TMPRSS11A: variants seen among roughly 807,000 people sequenced by gnomAD.
TMPRSS11A encodes the protein transmembrane serine protease 11A.
Under a neutral mutation model 58.9 loss-of-function variants are expected in TMPRSS11A, and 53 were observed. The ratio of observed to expected loss-of-function variants is 0.90; its 90% confidence interval spans 0.72 to 1.13. The LOEUF (loss-of-function observed/expected upper bound fraction) is 1.13. Among genes scored for constraint, TMPRSS11A ranks in the 50% most tolerant of loss-of-function variants. TMPRSS11A has a pLI of 0.00. For missense variants in TMPRSS11A, 493 were observed against 499.3 expected (o/e 0.99, Z 0.12); for synonymous variants, 167 against 169.8 (o/e 0.98, Z 0.13).
chr4:67,941,229 A>G (rs906477385), intron 3 of TMPRSS11A, among the ~76,000 whole-genome samples: 2 of 152,202 alleles, frequency 1.3e-5, no homozygotes, highest in East Asian at 1.9e-4. Context: ...ATTAGCACCC[A>G]TATAGGACAG....
chr4:67,961,756 G>T (rs957174506), intron 1 of TMPRSS11A, among the ~76,000 whole-genome samples: 2 of 151,790 alleles, frequency 1.3e-5, no homozygotes, highest in Non-Finnish European at 2.9e-5. Flanking sequence ...CAAGTGATTT[G>T]CCTGCCTCGG....
rs981096457 is a variant in TMPRSS11A at position 67,910,879 on chromosome 4, G to A, written c.*463C>T. Reference sequence around the variant, plus strand: ...AAAATTCATTTCTTATGGTGGAAAGGTACTTTGGAAAATCTGATTGAATAA... The same window carrying A: ...AAAATTCATTTCTTATGGTGGAAAGATACTTTGGAAAATCTGATTGAATAA... On this transcript the variant is annotated 3_prime_UTR_variant, in exon 10 of 10. Coordinates refer to ENST00000508048, the MANE Select transcript of TMPRSS11A (RefSeq NM_001114387.2). 6.6e-6 allele frequency: 1 copy of A among 152,250 alleles called. No individual in the cohort carries two copies. Among genetic ancestry groups the A allele is most frequent in the South Asian group, 2.1e-4 (1 of 4,828 alleles). 9.4% of individuals were successfully genotyped at this position (152,250 alleles called of 1,614,324 possible).
chr4:67,919,178 G>T lies in TMPRSS11A; in HGVS notation c.747C>A (p.Pro249=), dbSNP rs1416481244. 1 of 1,613,970 alleles carries T rather than the reference G, an allele frequency of 6.2e-7. No individual in the cohort carries two copies. The highest frequency in any genetic ancestry group is 8.5e-7 in the Non-Finnish European group (1 of 1,179,982). Residue 249 remains proline, a synonymous_variant, in exon 8 of 10, where the codon CCC becomes CCA. Transcript: ENST00000508048. The part of the protein sequence containing the change: ...TVSFGTKINP[P]LMKRNVRRFI... ...ATCTTCTGACATTTCTTTTCATTAA[G>T]GGAGGGTTGATTTTTGTTCCAAAAC...
intron 1 of TMPRSS11A, among the ~76,000 whole-genome samples, chr4:67,948,926 A>G (rs191763125): frequency 2.1e-3 from 192 of 90,214 alleles, no homozygotes; most frequent in African/African-American, 5.0e-3. Flanking sequence ...TAGGACACAA[A>G]TTTATTCTCG....
At chr4:67,928,623 A>AT (rs1440683137) in intron 5 of TMPRSS11A, among the ~76,000 whole-genome samples, 15 of 152,196 alleles carry the variant, frequency 9.9e-5, no homozygotes, top group African/African-American at 3.1e-4. Flanking sequence ...CCATCTAACA[A>AT]AGAAGATGGA....
At chr4:67,928,293 G>A (rs564677150) in intron 5 of TMPRSS11A, among the ~76,000 whole-genome samples, 4 of 152,246 alleles carry the variant, frequency 2.6e-5, no homozygotes, top group African/African-American at 7.2e-5. Flanking sequence ...TGATCCACCC[G>A]CCTCGGCCTC....
chr4:67,912,469 T>C (rs1399274443), intron 9 of TMPRSS11A, among the ~76,000 whole-genome samples: 1 of 152,198 alleles, frequency 6.6e-6, no homozygotes, highest in East Asian at 1.9e-4. Context: ...ACTTTCTTGA[T>C]TTATTCCCTC....
chr4:67,944,788 A>C, intron 2 of TMPRSS11A, 151 bp from the exon 3 acceptor site: 2 of 643,588 alleles, frequency 3.1e-6, no homozygotes, highest in South Asian at 4.4e-5. Flanking sequence ...GTTTTATATC[A>C]ATTATAATAG....
intron 8 of TMPRSS11A, among the ~76,000 whole-genome samples, chr4:67,916,519 A>G (rs955053811): frequency 3.3e-5 from 5 of 151,794 alleles, no homozygotes; most frequent in African/African-American, 1.2e-4. Context: ...ATTGCCTACT[A>G]TATCATCAAT....
chr4:67,911,732 A>T (rs1309377226), intron 9 of TMPRSS11A, among the ~76,000 whole-genome samples: 1 of 152,066 alleles, frequency 6.6e-6, no homozygotes, highest in African/African-American at 2.4e-5. Flanking sequence ...GCACTTAGTT[A>T]AAAAAGGCAA....
chr4:67,924,251 C>T, intron 5 of TMPRSS11A, 85 bp from the exon 6 acceptor site: 2 of 1,101,308 alleles, frequency 1.8e-6, no homozygotes, highest in Non-Finnish European at 2.8e-6. Flanking sequence ...AGGATACTGA[C>T]CATATATGGA....
intron 2 of TMPRSS11A, among the ~76,000 whole-genome samples, chr4:67,945,767 G>C (rs991939640): frequency 6.6e-6 from 1 of 152,166 alleles, no homozygotes; most frequent in East Asian, 1.9e-4. Context: ...ACATTGTAGA[G>C]ATTTGTGAAA....
At position 67,931,957 on chromosome 4, in the gene TMPRSS11A, A is replaced by G. The variant is rs138571655; in HGVS notation, c.320+36T>C. ...TGTCTCCTTTGTTCCTTTTCCCTCCAGTCTTGTGATTCCACCTTTGCCCAA... is the reference window on the plus strand; with the variant it reads ...TGTCTCCTTTGTTCCTTTTCCCTCCGGTCTTGTGATTCCACCTTTGCCCAA... On this transcript the variant is annotated intron_variant, in intron 4 of 9. Coordinates refer to ENST00000508048, the MANE Select transcript of TMPRSS11A (RefSeq NM_001114387.2). 370 of 1,265,486 alleles carry G rather than the reference A, an allele frequency of 2.9e-4. 2 individuals are homozygous for G. In the East Asian group the frequency reaches 8.2e-3, roughly 28 times the overall value. 78.4% of individuals were successfully genotyped at this position (1,265,486 alleles called of 1,614,324 possible). A position where few individuals can be genotyped will look rare whatever the true frequency, so the allele number is the denominator to read the frequency against.
chr4:67,928,118 C>T (rs1720519215), intron 5 of TMPRSS11A, among the ~76,000 whole-genome samples: 1 of 152,178 alleles, frequency 6.6e-6, no homozygotes, highest in Admixed American at 6.5e-5. Flanking sequence ...GATCTTGGCT[C>T]ACTGCAACCT....
At chr4:67,932,417 A>G (rs1577860199) in intron 3 of TMPRSS11A, among the ~76,000 whole-genome samples, 1 of 152,324 alleles carries the variant, frequency 6.6e-6, no homozygotes, top group East Asian at 1.9e-4. Flanking sequence ...GAGCAGAGAT[A>G]GGATATTCAG....
rs28648375 is a variant in TMPRSS11A, at chr4:67,911,282, T to A, written c.*60A>T. 0.041 allele frequency: 62,260 copies of A among 1,503,670 alleles called. 1,479 individuals are homozygous for A. Among genetic ancestry groups the A allele is most frequent in the Non-Finnish European group, 0.047 (51,147 of 1,094,862 alleles). 93.1% of individuals were successfully genotyped at this position (1,503,670 alleles called of 1,614,324 possible). A position where few individuals can be genotyped will look rare whatever the true frequency, so the allele number is the denominator to read the frequency against. ...TTGTTGTACTACACCCACTAAATAG[T>A]TGAATTCTCATGCATATATGACCTG... On this transcript the variant is annotated 3_prime_UTR_variant, in exon 10 of 10. Transcript: ENST00000508048.
In TMPRSS11A at chr4:67,910,348, C is replaced by G. The variant is rs1211553138; in HGVS notation, c.*994G>C. The G allele has an allele frequency of 6.6e-6, 1 of 151,934 alleles. No individual in the cohort carries two copies. The highest frequency in any genetic ancestry group is 2.4e-5 in the African/African-American group (1 of 41,390). 9.4% of individuals were successfully genotyped at this position (151,934 alleles called of 1,614,324 possible). A position where few individuals can be genotyped will look rare whatever the true frequency, so the allele number is the denominator to read the frequency against. On this transcript the variant is annotated 3_prime_UTR_variant, in exon 10 of 10. Transcript: ENST00000508048. ...GCAATAGTTGGGACATTGCCATAAG[C>G]CTTATAAGCTATTTGGCTGTAGCAA...
At chr4:67,942,562 T>C (rs1720905782) in intron 3 of TMPRSS11A, among the ~76,000 whole-genome samples, 1 of 152,204 alleles carries the variant, frequency 6.6e-6, no homozygotes, top group Admixed American at 6.5e-5. Context: ...TTTGTTGTAG[T>C]AGCCTAAACA....
In TMPRSS11A at chr4:67,922,773, G is replaced by T; in HGVS notation, c.674C>A (p.Ala225Glu). 2 of 1,614,076 alleles carry T rather than the reference G, an allele frequency of 1.2e-6. No homozygotes were observed. Among genetic ancestry groups the T allele is most frequent in the Non-Finnish European group, 1.7e-6 (2 of 1,179,972 alleles). Residue 225 changes from alanine (A) to glutamate (E), a missense_variant, in exon 7 of 10, where the codon GCA becomes GAA. Transcript: ENST00000508048. ...TLISNTWLVTAAHCFQKYKNP... is the reference protein window; with the variant it reads ...TLISNTWLVTEAHCFQKYKNP... ...AACTTACTTCTGGAAGCAGTGTGCT[G>T]CAGTGACAAGCCATGTGTTACTAAT...
Sources: gnomAD v4.1 joint callset for allele counts (sites outside exome capture counted in the v4.1 genomes callset) on GRCh38, gnomAD v4.1.1 for gene constraint, MANE v1.5 for transcripts, NCBI Gene and HGNC (gene_info 2026-07-23, HGNC 2026-07-21) for gene names.